The following OPCML variants were observed in gnomAD, a reference collection of about 807,000 sequenced individuals.
OPCML encodes opioid-binding protein/cell adhesion molecule.
In OPCML, 13 loss-of-function variants were observed where a neutral mutation model predicts 37.8. The observed-to-expected ratio is 0.34, with a 90% confidence interval of 0.22 to 0.55. OPCML has a LOEUF of 0.55. Ranked by LOEUF, OPCML falls within the 20% of genes least tolerant of loss-of-function variation. The probability of loss-of-function intolerance (pLI) is 0.91; values close to 1 mark genes in which losing one functional copy is unlikely to be tolerated. For missense variants in OPCML, 341 were observed against 435.6 expected, an observed-to-expected ratio of 0.78 and a Z score of 1.93; for synonymous variants, 176 against 168.8, an observed-to-expected ratio of 1.04 and a Z score of -0.33.
chr11:133,335,478 C>T (rs753043977), intron 1 of OPCML, among the ~76,000 whole-genome samples: 3 of 152,062 alleles, frequency 2.0e-5, no homozygotes, highest in Admixed American at 6.5e-5. Context: ...GAAGTCAGCG[C>T]CTCTCCTGGT....
rs1192339857 is a variant in OPCML, at chr11:133,208,359, C to T, written c.62-265349G>A. Among the ~76,000 whole-genome samples the T allele has an allele frequency of 2.0e-5, 3 of 152,176 alleles. No individual in the cohort carries two copies. The highest frequency in any genetic ancestry group is 4.8e-5 in the African/African-American group (2 of 41,448). On this transcript the variant is annotated intron_variant, in intron 1 of 7. Transcript: ENST00000524381. The surrounding 1 kb of genome is among the most constrained non-coding windows in gnomAD (Gnocchi z 8.9). ...TACATTCAGTATCATTGTCGAGGGG[C>T]AGCTGGGGCATGGTAGAAAGGGCCA...
At chr11:133,158,939 G>A (rs1192767464) in intron 1 of OPCML, among the ~76,000 whole-genome samples, 2 of 151,940 alleles carry the variant, frequency 1.3e-5, no homozygotes, top group South Asian at 4.1e-4. Context: ...ATTTGAACCA[G>A]GCAAAACAGT....
intron 1 of OPCML, among the ~76,000 whole-genome samples, chr11:132,944,315 C>T (rs1358701107): frequency 6.6e-6 from 1 of 152,206 alleles, no homozygotes; most frequent in African/African-American, 2.4e-5. Flanking sequence ...AAACCCCGCC[C>T]TGGAGAGCTG....
chr11:133,268,783 T>A (rs80323885), intron 1 of OPCML, among the ~76,000 whole-genome samples: 1 of 152,198 alleles, frequency 6.6e-6, no homozygotes. Flanking sequence ...TGAATAGAGA[T>A]AGAAGACCTT....
chr11:133,155,359 G>A (rs2137201592), intron 1 of OPCML, among the ~76,000 whole-genome samples: 2 of 152,214 alleles, frequency 1.3e-5, no homozygotes, highest in Admixed American at 1.3e-4. Context: ...GAGCTCTGAA[G>A]AGCTCTAGTT....
At chr11:133,164,347 C>G (rs1950182463) in intron 1 of OPCML, among the ~76,000 whole-genome samples, 1 of 152,196 alleles carries the variant, frequency 6.6e-6, no homozygotes. Context: ...TGAGTACTAA[C>G]TTAGTGCCTG....
chr11:133,399,649 C>T (rs977152948), intron 1 of OPCML, among the ~76,000 whole-genome samples: 2 of 152,106 alleles, frequency 1.3e-5, no homozygotes, highest in Non-Finnish European at 2.9e-5. Flanking sequence ...AGGATGCAAG[C>T]AGCTGGATAC....
At chr11:132,523,709 G>A (rs930554036) in intron 4 of OPCML, among the ~76,000 whole-genome samples, 4 of 152,122 alleles carry the variant, frequency 2.6e-5, no homozygotes, top group Admixed American at 1.3e-4. Flanking sequence ...AGATACAATC[G>A]ATATGTATAA....
chr11:132,680,519 G>A (rs990444451), intron 2 of OPCML, among the ~76,000 whole-genome samples: 18 of 152,134 alleles, frequency 1.2e-4, no homozygotes, highest in Non-Finnish European at 1.8e-4. Flanking sequence ...TTTCAGGTTC[G>A]GAACCTTCAA....
At chr11:132,526,321 T>C (rs2096308284) in intron 4 of OPCML, among the ~76,000 whole-genome samples, 1 of 152,256 alleles carries the variant, frequency 6.6e-6, no homozygotes, top group Non-Finnish European at 1.5e-5. Flanking sequence ...TAGTTTTGTA[T>C]ATAATATAAA....
chr11:132,648,593 C>G (rs1469594741), intron 3 of OPCML, among the ~76,000 whole-genome samples: 1 of 150,386 alleles, frequency 6.6e-6, no homozygotes, highest in Non-Finnish European at 1.5e-5. Flanking sequence ...GATCTTGGCT[C>G]ACTGCAACCT....
chr11:133,383,633 C>T (rs3923708), intron 1 of OPCML, among the ~76,000 whole-genome samples: 115,488 of 152,090 alleles, frequency 0.76, 44,168 homozygotes, highest in East Asian at 0.88. Flanking sequence ...TCATGTCAAG[C>T]ATGAATAACG....
chr11:133,150,897 G>A (rs903998195), intron 1 of OPCML, among the ~76,000 whole-genome samples: 1 of 152,094 alleles, frequency 6.6e-6, no homozygotes, highest in Non-Finnish European at 1.5e-5. Flanking sequence ...GAGAAGGACT[G>A]AGAGCTCCTC....
intron 2 of OPCML, among the ~76,000 whole-genome samples, chr11:132,830,802 GCTTT>G (rs143583251): frequency 3.4e-3 from 511 of 152,272 alleles, no homozygotes; most frequent in African/African-American, 0.012. Flanking sequence ...ATACACGCGT[GCTTT>G]CTTCAAAGTG....
chr11:133,430,719 A>G (rs1384901651), intron 1 of OPCML, among the ~76,000 whole-genome samples: 2 of 152,240 alleles, frequency 1.3e-5, no homozygotes, highest in Non-Finnish European at 2.9e-5. Flanking sequence ...ATCACAGACA[A>G]GAAGCAATGC....
At chr11:133,230,788 G>A (rs912249267) in intron 1 of OPCML, among the ~76,000 whole-genome samples, 6 of 152,150 alleles carry the variant, frequency 3.9e-5, no homozygotes, top group African/African-American at 7.2e-5. Context: ...GTCTACTTTC[G>A]CAAAGTGCCG....
At chr11:133,027,657 TGGGGC>T (rs1347075153) in intron 1 of OPCML, among the ~76,000 whole-genome samples, 6 of 145,604 alleles carry the variant, frequency 4.1e-5, no homozygotes. Context: ...GATGCATGTG[TGGGGC>T]GTGTGGTGTG....
chr11:132,801,982 A>G (rs912174530), intron 2 of OPCML, among the ~76,000 whole-genome samples: 3 of 152,054 alleles, frequency 2.0e-5, no homozygotes, highest in Non-Finnish European at 4.4e-5. Flanking sequence ...TCCCACCAGA[A>G]TTGTCATCTC....
chr11:133,150,922 T>A (rs1949972264), intron 1 of OPCML, among the ~76,000 whole-genome samples: 1 of 152,008 alleles, frequency 6.6e-6, no homozygotes, highest in South Asian at 2.1e-4. Flanking sequence ...AGCCACATCC[T>A]CCCCTGCCCC....
Sources: gnomAD v4.1 joint callset for allele counts (sites outside exome capture counted in the v4.1 genomes callset) on GRCh38, gnomAD v4.1.1 for gene constraint, Gnocchi (gnomAD v3.1) non-coding constraint, MANE v1.5 for transcripts, NCBI Gene and HGNC (gene_info 2026-07-23, HGNC 2026-07-21) for gene names.